The following TTC7A variants were observed in gnomAD, a reference collection of about 807,000 sequenced individuals.
The protein encoded by TTC7A is tetratricopeptide repeat domain 7A.
Under a neutral mutation model 103.7 loss-of-function variants are expected in TTC7A, and 110 were observed. The ratio of observed to expected loss-of-function variants is 1.06; its 90% CI spans 0.91 to 1.24. TTC7A has a LOEUF of 1.24. Ranked by LOEUF, TTC7A falls within the 50% of genes most tolerant of loss-of-function variation. TTC7A has a pLI of 0.00. For missense variants in TTC7A, 1,340 were observed against 1,116.3 expected (o/e 1.20, Z -2.86); for synonymous variants, 521 against 467.9 (o/e 1.11, Z -1.47).
chr2:47,064,791 T>A (rs1385262190), intron 19 of TTC7A, among the ~76,000 whole-genome samples: 1 of 152,196 alleles, frequency 6.6e-6, no homozygotes, highest in Non-Finnish European at 1.5e-5. Flanking sequence ...AAGCTGAGAT[T>A]AGAGCACCTC....
chr2:46,957,012 C>G lies in TTC7A; in HGVS notation c.517+5C>G. On this transcript the variant is annotated splice_donor_5th_base_variant and intron_variant, in intron 3 of 19. Coordinates refer to ENST00000319190, the MANE Select transcript of TTC7A (RefSeq NM_020458.4). ...CGGAGGCTTTTGTCATCAAAGGTAG[C>G]TGTGGGCACCAGCCTGGGCTCCCCT... is the stretch of plus-strand genomic sequence containing the variant. 6.2e-7 allele frequency: 1 copy of G among 1,614,100 alleles called. No homozygotes were observed. Among genetic ancestry groups the G allele is most frequent in the Non-Finnish European group, 8.5e-7 (1 of 1,179,974 alleles).
Position 47,029,234 on chromosome 2 carries a change from C to T in TTC7A, c.1652C>T (p.Ala551Val). 1 of 1,613,768 alleles carries T rather than the reference C, an allele frequency of 6.2e-7. No homozygotes were observed. The highest frequency in any genetic ancestry group is 1.1e-5 in the South Asian group (1 of 91,082). The change falls in exon 15 of 20, where the codon GCC becomes GTC. Residue 551 changes from alanine to valine, a missense_variant. By Grantham distance (64) the Ala-to-Val change is moderately conservative. Transcript: ENST00000319190. ...GGGTTCCTTCAACAGATCTCCAGTG[C>T]CATGGAGCAGCTGCAGGAGGCCCTG... is the stretch of plus-strand genomic sequence containing the variant. Reference protein sequence around the residue: ...QLALVRQISSAMEQLQEALKV... With the variant: ...QLALVRQISSVMEQLQEALKV...
chr2:46,990,127 A>G (rs970005543), intron 5 of TTC7A, among the ~76,000 whole-genome samples: 12 of 152,364 alleles, frequency 7.9e-5, no homozygotes, highest in African/African-American at 2.9e-4. Flanking sequence ...TGTTGGGCCC[A>G]GCTGCCAGGG....
rs919344861 is a variant in TTC7A at position 47,051,995 on chromosome 2, G to A, written c.2152+115G>A. On this transcript the variant is annotated intron_variant, in intron 18 of 19. Coordinates refer to ENST00000319190, the MANE Select transcript of TTC7A (RefSeq NM_020458.4). ...GGTGGGGACACCTTGCTAGGCCCACGCGGGTTACAGAGTCCTCGCCTCTGG... is the reference window on the plus strand; with the variant it reads ...GGTGGGGACACCTTGCTAGGCCCACACGGGTTACAGAGTCCTCGCCTCTGG... The A allele has an allele frequency of 3.2e-5, 43 of 1,358,262 alleles. No homozygotes were observed. In the African/African-American group the frequency reaches 3.5e-4, roughly 11 times the overall value. The allele number at this position is 1,358,262 out of a possible 1,614,324, so 84.1% of individuals were successfully genotyped here. A position where few individuals can be genotyped will look rare whatever the true frequency, so the allele number is the denominator to read the frequency against.
At chr2:47,032,506 G>A (rs1680661089) in intron 15 of TTC7A, among the ~76,000 whole-genome samples, 1 of 152,196 alleles carries the variant, frequency 6.6e-6, no homozygotes, top group Non-Finnish European at 1.5e-5. Flanking sequence ...GGGCCTAGGG[G>A]AATCAGCTCT....
chr2:47,007,982 GGGCAAC>G lies in TTC7A; in HGVS notation c.1287+1261_1287+1266del, dbSNP rs1677603396. Among the ~76,000 whole-genome samples, 1 of 152,204 alleles carries G rather than the reference GGGCAAC, an allele frequency of 6.6e-6. No individual in the cohort carries two copies. On this transcript the variant is annotated intron_variant, in intron 10 of 19. Transcript: ENST00000319190. This position sits in a 1 kb window ranked among gnomAD's most constrained non-coding sequence, Gnocchi z 4.9. Reference sequence around the variant, plus strand: ...GAACTGCAGGCAAAGGAGACAATGTGGGCAACGGTGAAGGGGCTGGAAAAGACGAGC... The same window carrying G: ...GAACTGCAGGCAAAGGAGACAATGTGGGTGAAGGGGCTGGAAAAGACGAGC...
At chr2:47,003,570 C>A (rs1382499766) in intron 8 of TTC7A, among the ~76,000 whole-genome samples, 1 of 152,156 alleles carries the variant, frequency 6.6e-6, no homozygotes, top group African/African-American at 2.4e-5. Context: ...CCCACTATCC[C>A]CTGAACAAGA....
chr2:47,019,280 C>T (rs926608412), intron 11 of TTC7A, among the ~76,000 whole-genome samples: 1 of 152,014 alleles, frequency 6.6e-6, no homozygotes, highest in Non-Finnish European at 1.5e-5. Context: ...CACCTGTAAT[C>T]CCAGCACTTT....
intron 12 of TTC7A, among the ~76,000 whole-genome samples, chr2:47,022,195 C>T (rs572099292): frequency 6.6e-6 from 1 of 152,304 alleles, no homozygotes; most frequent in East Asian, 1.9e-4. Context: ...CCCAGACTGT[C>T]GCCACCCTCA....
Position 47,073,925 on chromosome 2 carries a change from G to T in TTC7A, c.*2G>T. On this transcript the variant is annotated 3_prime_UTR_variant, in exon 20 of 20. Coordinates refer to ENST00000319190, the MANE Select transcript of TTC7A (RefSeq NM_020458.4). ...TCCATCATCCCCAGAGAGCTCTGAC[G>T]ACGCTGCAGCCGCAGGGAGGGAGGG... The T allele has an allele frequency of 6.2e-7, 1 of 1,608,052 alleles. No homozygotes were observed. The highest frequency in any genetic ancestry group is 8.5e-7 in the Non-Finnish European group (1 of 1,177,018).
In TTC7A at chr2:47,005,984, G is replaced by C. The variant is rs1247595867; in HGVS notation, c.1128G>C (p.Leu376Phe). 5.0e-6 allele frequency: 8 copies of C among 1,614,092 alleles called. No individual in the cohort carries two copies. The highest frequency in any genetic ancestry group is 6.8e-6 in the Non-Finnish European group (8 of 1,180,028). ...PEQEEDRTVS[L>F]QNAAAIYDLL... The stretch of plus-strand genomic sequence containing the variant: ...AGGAGGAGGACCGGACAGTGAGCTT[G>C]CAGAATGCCGCAGCCATCTATGACC... Residue 376 changes from leucine (L) to phenylalanine (F), a missense_variant, in exon 9 of 20, where the codon TTG becomes TTC. Coordinates refer to ENST00000319190, the MANE Select transcript of TTC7A (RefSeq NM_020458.4).
At chr2:47,050,160 C>T in intron 17 of TTC7A, 114 bp downstream of exon 17, 1 of 897,202 alleles carries the variant, frequency 1.1e-6, no homozygotes, top group Non-Finnish European at 1.8e-6. Flanking sequence ...CCAAGCCCAC[C>T]ACTGGCTCCT....
rs536033900 is a variant in TTC7A at position 46,932,467 on chromosome 2, C to A, written c.82+15190C>A. 4.2e-4 allele frequency among the ~76,000 whole-genome samples: 64 copies of A among 152,130 alleles called. 1 individual carries two copies. In the South Asian group the frequency reaches 0.013, roughly 31 times the overall value. On this transcript the variant is annotated intron_variant, in intron 2 of 20. Transcript: ENST00000409245. The stretch of plus-strand genomic sequence containing the variant: ...CCCAGCCTGAAACCTTATTTATTGA[C>A]CCTAGTTGATGGTTAATAAGAGTTT...
intron 2 of TTC7A, among the ~76,000 whole-genome samples, chr2:46,954,665 G>C (rs1024569169): frequency 2.1e-5 from 3 of 145,328 alleles, no homozygotes; most frequent in East Asian, 4.2e-4. Flanking sequence ...TCCGCCTCCC[G>C]GGTTCAAGCG....
intron 19 of TTC7A, among the ~76,000 whole-genome samples, chr2:47,070,619 G>T (rs1171520466): frequency 6.6e-6 from 1 of 152,182 alleles, no homozygotes; most frequent in Non-Finnish European, 1.5e-5. Flanking sequence ...GTCAGGAGGA[G>T]CTCCGCCCTC....
rs1677592367 is a variant in TTC7A at position 47,007,879 on chromosome 2, A to G, written c.1287+1155A>G. ...GCTCTGTGCTCAGCAGGGTCTTGTCAAGGCTCAGGGAGAATTCAGAACACA... is the reference window on the plus strand; with the variant it reads ...GCTCTGTGCTCAGCAGGGTCTTGTCGAGGCTCAGGGAGAATTCAGAACACA... On this transcript the variant is annotated intron_variant, in intron 10 of 19. Coordinates refer to ENST00000319190, the MANE Select transcript of TTC7A (RefSeq NM_020458.4). The surrounding 1 kb of genome is among the most constrained non-coding windows in gnomAD (Gnocchi z 4.9). 6.6e-6 allele frequency among the ~76,000 whole-genome samples: 1 copy of G among 152,184 alleles called. No individual in the cohort carries two copies.
intron 11 of TTC7A, among the ~76,000 whole-genome samples, chr2:47,013,819 G>C (rs114004382): frequency 2.6e-5 from 4 of 152,296 alleles, no homozygotes; most frequent in Admixed American, 2.6e-4. Flanking sequence ...CATCAGAATC[G>C]AGGAGAAGGG....
chr2:47,006,909 C>T (rs1012461657), intron 10 of TTC7A, among the ~76,000 whole-genome samples, 185 bp downstream of exon 10: 3 of 152,134 alleles, frequency 2.0e-5, no homozygotes, highest in Admixed American at 6.5e-5. Flanking sequence ...TGTCCACGTG[C>T]GAGCTGTGAG....
At chr2:46,993,975 G>T (rs759809817) in intron 6 of TTC7A, among the ~76,000 whole-genome samples, 1 of 152,152 alleles carries the variant, frequency 6.6e-6, no homozygotes, top group African/African-American at 2.4e-5. Flanking sequence ...TCGAATATCA[G>T]AAAGGCACCT....
Sources: allele counts gnomAD v4.1 joint callset (sites outside exome capture counted in the v4.1 genomes callset), GRCh38; gene constraint gnomAD v4.1.1; non-coding constraint Gnocchi (gnomAD v3.1); transcripts MANE v1.5; gene names NCBI Gene and HGNC (gene_info 2026-07-23, HGNC 2026-07-21).